The following NRG1 variants were observed in gnomAD, a reference collection of about 807,000 sequenced individuals.
NRG1 encodes the protein pro-neuregulin-1, membrane-bound isoform.
In NRG1, 18 loss-of-function variants were observed where a neutral mutation model predicts 63.8. That is an observed-to-expected ratio of 0.28 (90% CI 0.19 to 0.42). The LOEUF is 0.42. Among genes scored for constraint, NRG1 ranks in the 10% least tolerant of loss-of-function variants. The probability of loss-of-function intolerance (pLI) is 1.00; values close to 1 mark genes in which losing one functional copy is unlikely to be tolerated. For synonymous variants in NRG1, 302 were observed against 301.3 expected, an observed-to-expected ratio of 1.00 and a Z score of -0.02; for missense variants, 762 against 814.7, an observed-to-expected ratio of 0.94 and a Z score of 0.79.
intron 1 of NRG1, among the ~76,000 whole-genome samples, chr8:32,120,498 C>G (rs1393649230): frequency 6.6e-6 from 1 of 152,046 alleles, no homozygotes; most frequent in African/African-American, 2.4e-5. Flanking sequence ...GATTTCCCTT[C>G]TCTCCCCAAA....
intron 1 of NRG1, among the ~76,000 whole-genome samples, chr8:32,551,577 C>T (rs140328107): frequency 7.6e-4 from 115 of 152,240 alleles, no homozygotes; most frequent in African/African-American, 2.6e-3. Flanking sequence ...GACTGATATG[C>T]GATACATACA....
intron 1 of NRG1, among the ~76,000 whole-genome samples, chr8:32,031,424 C>T (rs1818237608): frequency 6.6e-6 from 1 of 152,222 alleles, no homozygotes; most frequent in Non-Finnish European, 1.5e-5. Flanking sequence ...GCTCGCTGCA[C>T]GTGACTGGTG....
chr8:32,662,022 T>A (rs1802981584), intron 5 of NRG1, among the ~76,000 whole-genome samples: 1 of 152,156 alleles, frequency 6.6e-6, no homozygotes, highest in South Asian at 2.1e-4. Flanking sequence ...TGTCCTAGCA[T>A]AAAGAAAAAA....
chr8:31,977,000 T>C (rs912131144), intron 1 of NRG1, among the ~76,000 whole-genome samples: 1 of 152,216 alleles, frequency 6.6e-6, no homozygotes, highest in Non-Finnish European at 1.5e-5. Context: ...GTACTAATAA[T>C]TATTCCATAT....
rs566117908 is a variant in NRG1 at position 32,030,796 on chromosome 8, A to G, written c.37+391365A>G. 2.8e-4 allele frequency among the ~76,000 whole-genome samples: 42 copies of G among 152,352 alleles called. No individual in the cohort carries two copies. The South Asian group carries it at 8.3e-3, about 30-fold the overall frequency. Reference sequence around the variant, plus strand: ...TCATTTCAGATTAGAAGCATGGAGCAAAGGCAGGGAGACGGGTCAAACAAA... The same window carrying G: ...TCATTTCAGATTAGAAGCATGGAGCGAAGGCAGGGAGACGGGTCAAACAAA... On this transcript the variant is annotated intron_variant, in intron 1 of 10. Coordinates refer to the NRG1 transcript ENST00000519301.
chr8:31,654,802 T>A (rs1450670271), intron 1 of NRG1, among the ~76,000 whole-genome samples: 1 of 152,080 alleles, frequency 6.6e-6, no homozygotes, highest in Non-Finnish European at 1.5e-5. Flanking sequence ...TTTGCCAGGC[T>A]TGGTGGTGTG....
intron 1 of NRG1, among the ~76,000 whole-genome samples, chr8:32,274,042 A>T (rs997919060): frequency 3.3e-5 from 5 of 152,346 alleles, no homozygotes; most frequent in African/African-American, 1.2e-4. Flanking sequence ...AATGCCTACA[A>T]TTTGAACACA....
chr8:31,883,120 C>A (rs1280299334), intron 1 of NRG1, among the ~76,000 whole-genome samples: 1 of 152,010 alleles, frequency 6.6e-6, no homozygotes, highest in African/African-American at 2.4e-5. Flanking sequence ...TCATTGTTGT[C>A]TTTAAAAAAA....
intron 1 of NRG1, among the ~76,000 whole-genome samples, chr8:31,874,976 A>C (rs1829791014): frequency 6.6e-6 from 1 of 152,170 alleles, no homozygotes; most frequent in Non-Finnish European, 1.5e-5. Context: ...CCAAGAATCA[A>C]CATGCATAAA....
intron 3 of NRG1, among the ~76,000 whole-genome samples, chr8:32,611,653 C>T (rs1311265367): frequency 2.0e-5 from 3 of 151,946 alleles, no homozygotes; most frequent in African/African-American, 7.2e-5. Context: ...TAAAGATGTT[C>T]CTTAAGTTAT....
chr8:32,328,357 T>C (rs906796413), intron 1 of NRG1, among the ~76,000 whole-genome samples: 10 of 152,120 alleles, frequency 6.6e-5, no homozygotes, highest in Non-Finnish European at 1.3e-4. Context: ...AAATTTGTTA[T>C]GTATTGTCAA....
chr8:32,538,538 C>T (rs1832256188), intron 1 of NRG1, among the ~76,000 whole-genome samples: 1 of 152,114 alleles, frequency 6.6e-6, no homozygotes, highest in Non-Finnish European at 1.5e-5. Context: ...ATCAGCTAGG[C>T]TTGTTCTTGA....
Position 31,640,446 on chromosome 8 carries a change from C to G in NRG1, c.37+1015C>G. 1 of 1,546,282 alleles carries G rather than the reference C, an allele frequency of 6.5e-7. No homozygotes were observed. The highest frequency in any genetic ancestry group is 8.7e-7 in the Non-Finnish European group (1 of 1,147,760). ...CCCCGGTGCCCAGCGCCGGCGAGCCCGGGGAGGAGGCGCCCTATCTGGTGA... is the reference window on the plus strand; with the variant it reads ...CCCCGGTGCCCAGCGCCGGCGAGCCGGGGGAGGAGGCGCCCTATCTGGTGA... On this transcript the variant is annotated intron_variant, in intron 1 of 10. Coordinates refer to the NRG1 transcript ENST00000519301. The surrounding 1 kb of genome is among the most constrained non-coding windows in gnomAD (Gnocchi z 6.3).
intron 1 of NRG1, among the ~76,000 whole-genome samples, chr8:32,537,386 G>C (rs1192826780): frequency 6.6e-6 from 1 of 151,978 alleles, no homozygotes; most frequent in African/African-American, 2.4e-5. Context: ...CTAGGGTGAC[G>C]AAAACTCCAA....
intron 2 of NRG1, among the ~76,000 whole-genome samples, chr8:32,596,438 T>G (rs1246025011): frequency 6.6e-6 from 1 of 151,860 alleles, no homozygotes; most frequent in Non-Finnish European, 1.5e-5. Flanking sequence ...ACCCTGTCTC[T>G]ACTAAAAACA....
chr8:32,128,636 A>C (rs1398052827), intron 1 of NRG1, among the ~76,000 whole-genome samples: 1 of 152,064 alleles, frequency 6.6e-6, no homozygotes, highest in Non-Finnish European at 1.5e-5. Flanking sequence ...CAGGCTGCCC[A>C]TGTTTAGTCT....
intron 1 of NRG1, among the ~76,000 whole-genome samples, chr8:32,273,784 G>A (rs966975992): frequency 6.6e-6 from 1 of 152,184 alleles, no homozygotes; most frequent in Non-Finnish European, 1.5e-5. Context: ...TAAAGGTAAT[G>A]TATTTAAAGT....
At chr8:32,560,350 A>G (rs1836152723) in intron 1 of NRG1, among the ~76,000 whole-genome samples, 1 of 152,222 alleles carries the variant, frequency 6.6e-6, no homozygotes, top group South Asian at 2.1e-4. Flanking sequence ...CTGAGTGGTC[A>G]TAAATGCAGA....
intron 1 of NRG1, among the ~76,000 whole-genome samples, chr8:32,579,597 C>A (rs934822883): frequency 3.3e-5 from 5 of 152,100 alleles, no homozygotes; most frequent in South Asian, 2.1e-4. Flanking sequence ...TGAGCTAATT[C>A]TTTTACCTCA....
Sources: gnomAD v4.1 joint callset for allele counts (sites outside exome capture counted in the v4.1 genomes callset) on GRCh38, gnomAD v4.1.1 for gene constraint, Gnocchi (gnomAD v3.1) non-coding constraint, MANE v1.5 for transcripts, NCBI Gene and HGNC (gene_info 2026-07-23, HGNC 2026-07-21) for gene names.